The following CAPG variants were observed in gnomAD, a reference collection of about 807,000 sequenced individuals.
CAPG encodes capping actin protein, gelsolin like.
CAPG carries 32 observed loss-of-function variants against 44.6 expected under a neutral mutation model. That is an observed-to-expected ratio of 0.72 (90% CI 0.54 to 0.96). The LOEUF (loss-of-function observed/expected upper bound fraction) is 0.96. Ranked by LOEUF, CAPG falls within the 50% of genes least tolerant of loss-of-function variation. CAPG has a pLI of 0.00. For missense variants in CAPG, 412 were observed against 438.3 expected (o/e 0.94, Z 0.54); for synonymous variants, 175 against 179.6 (o/e 0.97, Z 0.20).
chr2:85,396,873 C>A (rs1001745281), intron 8 of CAPG, among the ~76,000 whole-genome samples: 5 of 152,198 alleles, frequency 3.3e-5, no homozygotes, highest in Admixed American at 2.0e-4. Flanking sequence ...ACCTACTTGT[C>A]TGCCTTCCTG....
At chr2:85,405,232 G>T (rs1280216288) in intron 1 of CAPG, among the ~76,000 whole-genome samples, 2 of 151,926 alleles carry the variant, frequency 1.3e-5, no homozygotes, top group East Asian at 1.9e-4. Flanking sequence ...TTTTTAAAAA[G>T]ATATTATCTT....
chr2:85,415,108 C>A (rs1687522033), upstream of CAPG, among the ~76,000 whole-genome samples: 1 of 152,212 alleles, frequency 6.6e-6, no homozygotes, highest in Admixed American at 6.5e-5. Flanking sequence ...AGCAAGGAGT[C>A]CTCGGAAACC....
intron 1 of CAPG, among the ~76,000 whole-genome samples, chr2:85,410,104 C>T (rs1326974143): frequency 6.6e-6 from 1 of 152,262 alleles, no homozygotes; most frequent in African/African-American, 2.4e-5. Flanking sequence ...GCCATCAGAT[C>T]AGGTGCCTGG....
At chr2:85,399,071 A>T in intron 6 of CAPG, 65 bp downstream of exon 6, 1 of 1,505,720 alleles carries the variant, frequency 6.6e-7, no homozygotes, top group Non-Finnish European at 9.2e-7. Flanking sequence ...CCCTCAGCTC[A>T]TCACCACCTC....
chr2:85,398,871 G>T, intron 6 of CAPG, 89 bp from the exon 7 acceptor site: 1 of 1,068,058 alleles, frequency 9.4e-7, no homozygotes, highest in Non-Finnish European at 1.4e-6. Flanking sequence ...CTTCTGGTGG[G>T]GCAAACTGCG....
At chr2:85,397,527 AC>A (rs1686654744) in intron 8 of CAPG, among the ~76,000 whole-genome samples, 1 of 151,608 alleles carries the variant, frequency 6.6e-6, no homozygotes, top group Non-Finnish European at 1.5e-5. Flanking sequence ...TGGTAGTGAA[AC>A]CCCATCTCTA....
At chr2:85,412,545 T>C (rs1031057739), upstream of CAPG, among the ~76,000 whole-genome samples, 4 of 151,580 alleles carry the variant, frequency 2.6e-5, no homozygotes, top group African/African-American at 9.7e-5. Context: ...AATAATAGGG[T>C]AGTTTGGTGG....
intron 1 of CAPG, among the ~76,000 whole-genome samples, chr2:85,416,407 G>C (rs775373427): frequency 2.6e-5 from 4 of 152,086 alleles, no homozygotes; most frequent in African/African-American, 7.2e-5. Context: ...AACTCCAACC[G>C]AGAGGCACAG....
At chr2:85,408,015 C>G (rs77337518) in intron 1 of CAPG, among the ~76,000 whole-genome samples, 1 of 152,230 alleles carries the variant, frequency 6.6e-6, no homozygotes, top group East Asian at 1.9e-4. Context: ...TGAGCTTCCT[C>G]AGTGTCCATG....
upstream of CAPG, among the ~76,000 whole-genome samples, chr2:85,411,891 G>C (rs1687422083): frequency 6.0e-5 from 9 of 151,258 alleles, no homozygotes; most frequent in South Asian, 1.9e-3. Context: ...GTGAAACCCT[G>C]TCTCTACTAA....
intron 5 of CAPG, 141 bp downstream of exon 5, chr2:85,401,024 A>G: frequency 1.3e-6 from 1 of 748,388 alleles, no homozygotes; most frequent in Non-Finnish European, 2.2e-6. Flanking sequence ...ATATAGGGAC[A>G]TTCTCCAATG....
rs751012576 is a variant in CAPG, at chr2:85,402,124, T to A, written c.22A>T (p.Ser8Cys). 16 of 1,608,698 alleles carry A rather than the reference T, an allele frequency of 9.9e-6. No individual in the cohort carries two copies. The African/African-American group carries it at 2.1e-4, about 21-fold the overall frequency. Reference sequence around the variant, plus strand: ...AAGGAGATGGGGCATGCAGCTTACCTCTGGGGAATGGCTGTGTACATGCTG... The same window carrying A: ...AAGGAGATGGGGCATGCAGCTTACCACTGGGGAATGGCTGTGTACATGCTG... MYTAIPQSGSPFPGSVQD... is the reference protein window; with the variant it reads MYTAIPQCGSPFPGSVQD... The change falls in exon 2 of 10, where the codon AGT becomes TGT. Residue 8 changes from serine to cysteine, a missense_variant and splice_region_variant. Physicochemically the swap from Ser to Cys is moderately radical, Grantham distance 112. Transcript: ENST00000263867.
downstream of CAPG, among the ~76,000 whole-genome samples, chr2:85,392,373 G>A (rs995163686): frequency 3.4e-5 from 5 of 146,476 alleles, no homozygotes; most frequent in South Asian, 2.1e-4. Flanking sequence ...CTGGGCAGCA[G>A]AGCGAGACTC....
upstream of CAPG, among the ~76,000 whole-genome samples, chr2:85,411,084 G>C (rs1259744741): frequency 5.3e-5 from 8 of 152,164 alleles, no homozygotes; most frequent in Admixed American, 1.3e-4. Flanking sequence ...TAGAACTCCT[G>C]AACTGAAGCA....
At chr2:85,401,748 TC>T in intron 3 of CAPG, 36 bp downstream of exon 3, 1 of 1,612,610 alleles carries the variant, frequency 6.2e-7, no homozygotes, top group East Asian at 2.2e-5. Context: ...TCCCTCCCCT[TC>T]CTGGGCCCAA....
intron 8 of CAPG, 81 bp downstream of exon 8, chr2:85,397,939 C>T: frequency 7.2e-7 from 1 of 1,393,048 alleles, no homozygotes; most frequent in East Asian, 2.3e-5. Flanking sequence ...AGCAGCTAGA[C>T]AGGCTGAGTC....
chr2:85,398,217 G>C (rs1686699987), intron 7 of CAPG, 65 bp from the exon 8 acceptor site: 4 of 1,570,826 alleles, frequency 2.5e-6, no homozygotes, highest in Admixed American at 3.5e-5. Flanking sequence ...AGCCTGAGGA[G>C]GGGGAGGCTG....
chr2:85,412,061 CAA>C (rs554263266), upstream of CAPG, among the ~76,000 whole-genome samples: 6 of 127,458 alleles, frequency 4.7e-5, no homozygotes, highest in Non-Finnish European at 3.4e-5. Flanking sequence ...GACTCCATCT[CAA>C]AAAAAAAAAA....
Position 85,398,731 on chromosome 2 carries a change from TGA to T in CAPG, c.716_717del (p.Leu239HisfsTer3), listed in dbSNP as rs779505986. 5 of 1,608,074 alleles carry T rather than the reference TGA, an allele frequency of 3.1e-6. No homozygotes were observed. The African/African-American group carries it at 6.7e-5, about 21-fold the overall frequency. On this transcript the variant is annotated frameshift_variant, in exon 7 of 10. Coordinates refer to ENST00000263867, the MANE Select transcript of CAPG (RefSeq NM_001747.4). LOFTEE classifies it high-confidence loss of function. The stretch of plus-strand genomic sequence containing the variant: ...GCCTGGGCATTTGCCTTGTCAGCTG[TGA>T]GGTCTTCCTCAGGGTTGCCCTCCTT... Reference protein sequence around the residue: ...ALKEGNPEEDLTADKANAQAA... With the variant: ...ALKEGNPEEDXTADKANAQAA...
Sources: gnomAD v4.1 joint callset for allele counts (sites outside exome capture counted in the v4.1 genomes callset) on GRCh38, gnomAD v4.1.1 for gene constraint, MANE v1.5 for transcripts, NCBI Gene and HGNC (gene_info 2026-07-23, HGNC 2026-07-21) for gene names.